Variants in KLHL4 observed in about 807,000 individuals in gnomAD.
KLHL4 encodes the protein kelch like family member 4.
A neutral mutation model predicts 45.8 loss-of-function variants in KLHL4; 17 were observed. The observed-to-expected ratio is 0.37, with a 90% CI of 0.25 to 0.56. The LOEUF is 0.56. KLHL4 is among the 20% of genes least tolerant of loss of function. The probability of loss-of-function intolerance (pLI) is 0.79; values close to 1 mark genes in which losing one functional copy is unlikely to be tolerated. For missense variants in KLHL4, 544 were observed against 544.9 expected, an observed-to-expected ratio of 1.00 and a Z score of 0.02; for synonymous variants, 224 against 189.9, an observed-to-expected ratio of 1.18 and a Z score of -1.47.
In KLHL4 at chrX:87,529,759, CT is replaced by C. The variant is rs1211113324; in HGVS notation, c.422+11450del. ...CATAAAACCATACTTTTTAAATTCC[CT>C]TTTTTGAATAAAGACCGTGTCAAAT... is the stretch of plus-strand genomic sequence containing the variant. On this transcript the variant is annotated intron_variant, in intron 1 of 10. Coordinates refer to ENST00000373119, the MANE Select transcript of KLHL4 (RefSeq NM_019117.5). 2.6e-4 allele frequency among the ~76,000 whole-genome samples: 29 copies of C among 111,637 alleles called. 1 individual carries two copies. The South Asian group carries it at 8.6e-3, about 33-fold the overall frequency.
chrX:87,652,719 A>G (rs1053182389), intron 9 of KLHL4, among the ~76,000 whole-genome samples: 1 of 111,682 alleles, frequency 9.0e-6, no homozygotes, highest in African/African-American at 3.3e-5. Context: ...AAACTTTCCC[A>G]CGTTTTCCTA....
intron 1 of KLHL4, among the ~76,000 whole-genome samples, chrX:87,537,509 G>C (rs1228368295): frequency 9.1e-6 from 1 of 110,278 alleles, no homozygotes; most frequent in Non-Finnish European, 1.9e-5. Context: ...TATATATATA[G>C]ATAGGTCGAT....
intron 1 of KLHL4, among the ~76,000 whole-genome samples, chrX:87,529,460 A>G (rs779553597): frequency 8.2e-5 from 9 of 109,270 alleles, no homozygotes; most frequent in Non-Finnish European, 1.7e-4. Context: ...AATGATTAAT[A>G]TTATACCTTA....
Position 87,614,481 on chromosome X carries a change from A to T in KLHL4, c.638A>T (p.Asn213Ile). The change falls in exon 3 of 11, where the codon AAT becomes ATT. Residue 213 changes from asparagine (N) to isoleucine (I), a missense_variant. Asn to Ile is a moderately radical substitution (Grantham distance 149). Coordinates refer to ENST00000373119, the MANE Select transcript of KLHL4 (RefSeq NM_019117.5). ...VSDYFAAMFT[N>I]DVLEAKQEEV... is the part of the protein sequence containing the mutation. Reference sequence around the variant, plus strand: ...GATTATTTTGCTGCAATGTTTACTAATGATGTGCTTGAAGCCAAACAAGAA... The same window carrying T: ...GATTATTTTGCTGCAATGTTTACTATTGATGTGCTTGAAGCCAAACAAGAA... The T allele has an allele frequency of 8.3e-7, 1 of 1,208,486 alleles. No homozygotes were observed.
chrX:87,655,801 G>A lies in KLHL4; in HGVS notation c.1926-8963G>A, dbSNP rs777803567. ...ACTTTTGAGTTTTATACTTTCAGAT[G>A]TTTTTATTATGGCAAGTATTGAACA... is the stretch of plus-strand genomic sequence containing the variant. On this transcript the variant is annotated intron_variant, in intron 9 of 10. Coordinates refer to ENST00000373119, the MANE Select transcript of KLHL4 (RefSeq NM_019117.5). Among the ~76,000 whole-genome samples the A allele has an allele frequency of 3.6e-5, 4 of 111,822 alleles. No homozygotes were observed. The Admixed American group carries it at 3.8e-4, about 11-fold the overall frequency.
chrX:87,618,147 A>G lies in KLHL4; in HGVS notation c.924+19A>G, dbSNP rs774565094. 2.7e-6 allele frequency: 3 copies of G among 1,112,046 alleles called. No individual in the cohort carries two copies. In the African/African-American group the frequency reaches 5.4e-5, roughly 20 times the overall value. 91.6% of individuals were successfully genotyped at this position (1,112,046 alleles called of 1,213,427 possible). ...CACTATGGTAAAATCAATTGCTTCAACTGAACTTGTAGTAAAAATATGTTA... is the reference window on the plus strand; with the variant it reads ...CACTATGGTAAAATCAATTGCTTCAGCTGAACTTGTAGTAAAAATATGTTA... On this transcript the variant is annotated intron_variant, in intron 4 of 10. Transcript: ENST00000373119.
intron 1 of KLHL4, among the ~76,000 whole-genome samples, chrX:87,549,560 A>G (rs1931766371): frequency 8.9e-6 from 1 of 111,736 alleles, no homozygotes; most frequent in Non-Finnish European, 1.9e-5. Context: ...ATTTTAAACA[A>G]TATGAAGGAT....
intron 4 of KLHL4, 124 bp downstream of exon 4, chrX:87,618,252 C>G: frequency 2.0e-6 from 1 of 502,649 alleles, no homozygotes; most frequent in Non-Finnish European, 3.0e-6. Flanking sequence ...TCAACAAAAA[C>G]ATTTGTCTGG....
chrX:87,552,806 G>A (rs1931864201), intron 1 of KLHL4, among the ~76,000 whole-genome samples: 1 of 109,790 alleles, frequency 9.1e-6, no homozygotes, highest in Admixed American at 9.8e-5. Context: ...CAGAGGCTGG[G>A]AAGGATAGTG....
intron 9 of KLHL4, among the ~76,000 whole-genome samples, chrX:87,656,719 G>A (rs1214158543): frequency 1.8e-5 from 2 of 110,077 alleles, no homozygotes; most frequent in East Asian, 5.7e-4. Flanking sequence ...AGGAACTATT[G>A]CTAAAAAGTT....
intron 9 of KLHL4, among the ~76,000 whole-genome samples, chrX:87,643,237 C>A (rs965420911): frequency 7.2e-5 from 8 of 111,522 alleles, no homozygotes; most frequent in Non-Finnish European, 1.3e-4. Context: ...AGAGATATTA[C>A]AACTGACATA....
At chrX:87,523,142 T>C (rs1032216993) in intron 1 of KLHL4, among the ~76,000 whole-genome samples, 3 of 111,833 alleles carry the variant, frequency 2.7e-5, no homozygotes, top group African/African-American at 9.8e-5. Context: ...ATTAATTATA[T>C]TGACGTGTTG....
chrX:87,517,880 TTCC>T lies in KLHL4; in HGVS notation c.-9_-7del. 2 of 1,185,384 alleles carry T rather than the reference TTCC, an allele frequency of 1.7e-6. No homozygotes were observed. Among genetic ancestry groups the T allele is most frequent in the Non-Finnish European group, 2.3e-6 (2 of 882,891 alleles). On this transcript the variant is annotated 5_prime_UTR_variant, in exon 1 of 11. Coordinates refer to ENST00000373119, the MANE Select transcript of KLHL4 (RefSeq NM_019117.5). ...TTTCTGTGAGAGAAGGCTTTTGTCTTTCCTCCTGCTACGATGTCAGTGTCTGGC... is the reference window on the plus strand; with the variant it reads ...TTTCTGTGAGAGAAGGCTTTTGTCTTTCCTGCTACGATGTCAGTGTCTGGC...
Position 87,667,055 on chromosome X carries a change from T to C in KLHL4, c.*521T>C. Reference sequence around the variant, plus strand: ...CCAAAGAGCTAAACAATTCCTTACATTTACCAAGAGGAAAGCTTTTACTGT... The same window carrying C: ...CCAAAGAGCTAAACAATTCCTTACACTTACCAAGAGGAAAGCTTTTACTGT... On this transcript the variant is annotated 3_prime_UTR_variant, in exon 11 of 11. Transcript: ENST00000373119. 1 of 730,575 alleles carries C rather than the reference T, an allele frequency of 1.4e-6. No individual in the cohort carries two copies. Among genetic ancestry groups the C allele is most frequent in the Non-Finnish European group, 1.6e-6 (1 of 624,161 alleles). 60.2% of individuals were successfully genotyped at this position (730,575 alleles called of 1,213,427 possible). A position where few individuals can be genotyped will look rare whatever the true frequency, so the allele number is the denominator to read the frequency against.
intron 4 of KLHL4, among the ~76,000 whole-genome samples, chrX:87,618,790 C>A (rs148846334): frequency 9.0e-6 from 1 of 111,687 alleles, no homozygotes; most frequent in Non-Finnish European, 1.9e-5. Context: ...TGAGACACTG[C>A]GCCCAGCCCA....
At chrX:87,552,205 A>C (rs1305738343) in intron 1 of KLHL4, among the ~76,000 whole-genome samples, 1 of 110,849 alleles carries the variant, frequency 9.0e-6, no homozygotes, top group African/African-American at 3.3e-5. Flanking sequence ...GTAAGAAAAA[A>C]ACAATCCCAT....
At chrX:87,549,968 C>A (rs1375762965) in intron 1 of KLHL4, among the ~76,000 whole-genome samples, 4 of 110,976 alleles carry the variant, frequency 3.6e-5, no homozygotes, top group Admixed American at 9.6e-5. Context: ...ATCAATGAAA[C>A]AACAAGATGG....
chrX:87,522,896 G>A (rs1050275609), intron 1 of KLHL4, among the ~76,000 whole-genome samples: 2 of 111,596 alleles, frequency 1.8e-5, no homozygotes, highest in African/African-American at 3.3e-5. Context: ...ATTCTTGACA[G>A]TACGGTATCA....
chrX:87,561,315 G>A (rs751795853), intron 1 of KLHL4, among the ~76,000 whole-genome samples: 4 of 110,714 alleles, frequency 3.6e-5, no homozygotes, highest in African/African-American at 6.6e-5. Flanking sequence ...TACACTACCC[G>A]CCCCCATTGC....
Sources: gnomAD v4.1 joint callset for allele counts (sites outside exome capture counted in the v4.1 genomes callset) on GRCh38, gnomAD v4.1.1 for gene constraint, MANE v1.5 for transcripts, NCBI Gene and HGNC (gene_info 2026-07-23, HGNC 2026-07-21) for gene names.